The following RUFY1 variants were observed in gnomAD, a reference collection of about 807,000 sequenced individuals.
RUFY1 encodes the protein RUN and FYVE domain-containing protein 1.
RUFY1 carries 54 observed loss-of-function variants against 94.6 expected under a neutral mutation model. That is an observed-to-expected ratio of 0.57 (90% CI 0.46 to 0.72). The LOEUF (loss-of-function observed/expected upper bound fraction) is 0.72, where lower values mean the gene tolerates loss of function less well. Ranked by LOEUF, RUFY1 falls within the 30% of genes least tolerant of loss-of-function variation. RUFY1 has a pLI of 0.00. For synonymous variants in RUFY1, 396 were observed against 347.3 expected (o/e 1.14, Z -1.56); for missense variants, 883 against 883.9 (o/e 1.00, Z 0.01).
intron 3 of RUFY1, among the ~76,000 whole-genome samples, chr5:179,563,459 C>T (rs1193349577): frequency 2.0e-5 from 3 of 152,138 alleles, no homozygotes; most frequent in Non-Finnish European, 4.4e-5. Context: ...AGTAACTTGC[C>T]CGAGGTGCCT....
At chr5:179,607,417 A>G (rs1767214762) in intron 16 of RUFY1, 165 bp from the exon 17 acceptor site, 3 of 645,520 alleles carry the variant, frequency 4.6e-6, no homozygotes, top group Admixed American at 2.7e-5. Context: ...CCAGACGGGG[A>G]AAGAGCCCCT....
Position 179,560,453 on chromosome 5 carries a change from C to T in RUFY1, c.484+255C>T, listed in dbSNP as rs565170526. ...CGTTAGATGAGGCTGGGCGCGGTGG[C>T]TCACGCCTGTAATCCCAGCACTTTG... is the stretch of plus-strand genomic sequence containing the variant. On this transcript the variant is annotated intron_variant, in intron 2 of 17. Coordinates refer to ENST00000319449, the MANE Select transcript of RUFY1 (RefSeq NM_025158.5). Among the ~76,000 whole-genome samples the T allele has an allele frequency of 4.6e-5, 7 of 152,258 alleles. No individual in the cohort carries two copies. In the East Asian group the frequency reaches 1.3e-3, roughly 29 times the overall value.
At chr5:179,571,344 A>G (rs1300440971) in intron 5 of RUFY1, among the ~76,000 whole-genome samples, 3 of 152,008 alleles carry the variant, frequency 2.0e-5, no homozygotes, top group Non-Finnish European at 4.4e-5. Flanking sequence ...AAAAATTTAA[A>G]AAAATTAGCC....
intron 1 of RUFY1, among the ~76,000 whole-genome samples, chr5:179,553,743 C>G (rs985559819): frequency 6.6e-6 from 1 of 152,068 alleles, no homozygotes. Flanking sequence ...TGAGCCGAGA[C>G]CATTCCACTG....
chr5:179,573,139 C>T (rs1449076761), intron 5 of RUFY1, among the ~76,000 whole-genome samples: 1 of 152,164 alleles, frequency 6.6e-6, no homozygotes. Context: ...GTGACACATT[C>T]TTTTAATGAC....
intron 12 of RUFY1, 150 bp downstream of exon 12, chr5:179,595,113 C>T (rs1354227436): frequency 1.2e-5 from 7 of 589,264 alleles, no homozygotes; most frequent in South Asian, 5.9e-5. Flanking sequence ...GAGGCCGACG[C>T]GGGAGGATCA....
chr5:179,550,727 C>G lies in RUFY1; in HGVS notation c.158C>G (p.Ala53Gly), dbSNP rs1361964290. The change falls in exon 1 of 18, where the codon GCA (alanine) becomes GGA (glycine). Residue 53 changes from alanine (A) to glycine (G), a missense_variant. Coordinates refer to ENST00000319449, the MANE Select transcript of RUFY1 (RefSeq NM_025158.5). ...CCCGGCCCAGGCGACCTGCGGAGCG[C>G]AACGAGGCCGCGGGCGGCCGAGGGC... ...QLPGPGDLRS[A>G]TRPRAAEGWS... 3.4e-6 allele frequency: 5 copies of G among 1,478,794 alleles called. No individual in the cohort carries two copies. Among genetic ancestry groups the G allele is most frequent in the Admixed American group, 4.3e-5 (2 of 46,022 alleles). 91.6% of individuals were successfully genotyped at this position (1,478,794 alleles called of 1,614,324 possible). A position where few individuals can be genotyped will look rare whatever the true frequency, so the allele number is the denominator to read the frequency against.
rs764470927 is a variant in RUFY1, at chr5:179,580,953, A to G, written c.897A>G (p.Glu299=). The G allele has an allele frequency of 6.3e-7, 1 of 1,598,650 alleles. No homozygotes were observed. Among genetic ancestry groups the G allele is most frequent in the Non-Finnish European group, 8.6e-7 (1 of 1,169,542 alleles). ...VQDLDGGKEH[E]RITDVLDQKN... is the part of the protein sequence containing the mutation. ...CTTATGCTCCTTTTAAAAGGCATGA[A>G]AGAATTACTGATGTCCTTGATCAAA... Residue 299 remains glutamate, a synonymous_variant, in exon 7 of 18, where the codon GAA becomes GAG. Transcript: ENST00000319449.
At chr5:179,559,432 G>GTAGATCGGCAACAAGAATTT (rs1762271658) in intron 1 of RUFY1, among the ~76,000 whole-genome samples, 3 of 152,220 alleles carry the variant, frequency 2.0e-5, no homozygotes, top group Non-Finnish European at 4.4e-5. Flanking sequence ...ATTTGAGCCT[G>GTAGATCGGCAACAAGAATTT]GAGCTGAGGG....
intron 2 of RUFY1, among the ~76,000 whole-genome samples, chr5:179,561,142 C>T (rs761765464): frequency 6.6e-6 from 1 of 152,052 alleles, no homozygotes; most frequent in Non-Finnish European, 1.5e-5. Context: ...ACCCAGGAGG[C>T]GGAGGTTGCA....
chr5:179,603,419 A>G (rs1286052331), intron 15 of RUFY1, among the ~76,000 whole-genome samples: 1 of 107,542 alleles, frequency 9.3e-6, no homozygotes, highest in Non-Finnish European at 2.0e-5. Context: ...CTCCCCTCCC[A>G]CCCTCCGCCC....
In RUFY1 at chr5:179,607,676, C is replaced by T; in HGVS notation, c.1983+17C>T. The T allele has an allele frequency of 2.5e-6, 4 of 1,606,216 alleles. No homozygotes were observed. The highest frequency in any genetic ancestry group is 3.4e-6 in the Non-Finnish European group (4 of 1,173,284). ...CGGAGAAAGGTACGTGGGGGCTCCA[C>T]CCACCCTCCCAGTGCCCTGAGTCGT... is the stretch of plus-strand genomic sequence containing the variant. On this transcript the variant is annotated intron_variant, in intron 17 of 17. Coordinates refer to ENST00000319449, the MANE Select transcript of RUFY1 (RefSeq NM_025158.5).
At chr5:179,553,380 T>C (rs1761951244) in intron 1 of RUFY1, among the ~76,000 whole-genome samples, 1 of 152,224 alleles carries the variant, frequency 6.6e-6, no homozygotes, top group African/African-American at 2.4e-5. Flanking sequence ...GTAAATCATG[T>C]AGATGGCACA....
chr5:179,601,648 G>A (rs761432860), intron 14 of RUFY1, among the ~76,000 whole-genome samples: 1 of 150,994 alleles, frequency 6.6e-6, no homozygotes, highest in Non-Finnish European at 1.5e-5. Context: ...GTGAAACCCC[G>A]TCTCTACTGA....
chr5:179,576,988 A>T, intron 5 of RUFY1, 87 bp from the exon 6 acceptor site: 1 of 925,450 alleles, frequency 1.1e-6, no homozygotes, highest in Non-Finnish European at 1.8e-6. Context: ...GGAAAGAGAT[A>T]AGAATGAAAT....
chr5:179,595,039 C>T, intron 12 of RUFY1, 76 bp downstream of exon 12: 1 of 1,115,706 alleles, frequency 9.0e-7, no homozygotes, highest in Non-Finnish European at 1.3e-6. Flanking sequence ...ATTCAGAGTC[C>T]CTCTCCAAAG....
At chr5:179,591,876 T>TG in intron 10 of RUFY1, 135 bp downstream of exon 10, 1 of 539,398 alleles carries the variant, frequency 1.9e-6, no homozygotes, top group South Asian at 3.5e-5. Flanking sequence ...AAATTTTTTT[T>TG]AAGTCTATGG....
At chr5:179,605,821 A>C in intron 15 of RUFY1, 55 bp from the exon 16 acceptor site, 1 of 1,158,090 alleles carries the variant, frequency 8.6e-7, no homozygotes, top group Non-Finnish European at 1.3e-6. Context: ...TGTGTTAGGG[A>C]TTCAGAGCCT....
intron 6 of RUFY1, among the ~76,000 whole-genome samples, chr5:179,577,859 CAAAAAA>C (rs35539667): frequency 3.0e-5 from 4 of 134,362 alleles, no homozygotes; most frequent in African/African-American, 8.5e-5. Context: ...TTCTCTGCAG[CAAAAAA>C]AAAAAAAAAA....
Sources: allele counts gnomAD v4.1 joint callset (sites outside exome capture counted in the v4.1 genomes callset), GRCh38; gene constraint gnomAD v4.1.1; transcripts MANE v1.5; gene names NCBI Gene and HGNC (gene_info 2026-07-23, HGNC 2026-07-21).